Variants in MECOM observed in about 807,000 individuals in gnomAD.
MECOM encodes the protein histone-lysine N-methyltransferase MECOM.
MECOM carries 13 observed loss-of-function variants against 116.3 expected under a neutral mutation model. The ratio of observed to expected loss-of-function variants is 0.11; its 90% CI spans 0.07 to 0.18. The LOEUF (loss-of-function observed/expected upper bound fraction) is 0.18, where lower values mean the gene tolerates loss of function less well. Among genes scored for constraint, MECOM ranks in the 10% least tolerant of loss-of-function variants. MECOM has a pLI of 1.00. For synonymous variants in MECOM, 528 were observed against 535.2 expected, an observed-to-expected ratio of 0.99 and a Z score of 0.19; for missense variants, 1,299 against 1,509.0, an observed-to-expected ratio of 0.86 and a Z score of 2.31.
At chr3:169,087,744 A>G (rs902798505) in intron 16 of MECOM, among the ~76,000 whole-genome samples, 1 of 152,062 alleles carries the variant, frequency 6.6e-6, no homozygotes, top group South Asian at 2.1e-4. Context: ...TGAAATGTCT[A>G]CTCTAGCTAG....
At chr3:169,363,736 A>C (rs1368912032) in intron 2 of MECOM, among the ~76,000 whole-genome samples, 1 of 151,952 alleles carries the variant, frequency 6.6e-6, no homozygotes, top group Non-Finnish European at 1.5e-5. Flanking sequence ...ATGAAAGAGG[A>C]AGTTTTCCAT....
At position 169,571,996 on chromosome 3, in the gene MECOM, TA is replaced by T. The variant is rs570008708; in HGVS notation, c.37+91339del. 1.9e-3 allele frequency among the ~76,000 whole-genome samples: 285 copies of T among 152,250 alleles called. 3 individuals are homozygous for T. The highest frequency in any genetic ancestry group is 6.6e-3 in the African/African-American group (275 of 41,574). ...AAAGCCAAAATTGATAAATAGGATC[TA>T]ATTAAACTAAAGAGTTTCTGCACAG... is the stretch of plus-strand genomic sequence containing the variant. On this transcript the variant is annotated intron_variant, in intron 1 of 16. Transcript: ENST00000651503.
At chr3:169,569,213 A>T (rs1207776479) in intron 1 of MECOM, among the ~76,000 whole-genome samples, 1 of 152,192 alleles carries the variant, frequency 6.6e-6, no homozygotes, top group East Asian at 1.9e-4. Context: ...GATGAAACAG[A>T]CTTTAAACCA....
At chr3:169,499,320 T>C (rs1046722593) in intron 1 of MECOM, among the ~76,000 whole-genome samples, 1 of 110,234 alleles carries the variant, frequency 9.1e-6, no homozygotes, top group African/African-American at 3.6e-5. Flanking sequence ...ATCTTAAGCT[T>C]GCAGAGAGAA....
intron 2 of MECOM, among the ~76,000 whole-genome samples, chr3:169,283,536 A>G (rs760486340): frequency 6.6e-6 from 1 of 152,190 alleles, no homozygotes; most frequent in Non-Finnish European, 1.5e-5. Context: ...TATGATAAAG[A>G]ATGTACCTCC....
chr3:169,612,109 C>A (rs1485937024), intron 1 of MECOM, among the ~76,000 whole-genome samples: 1 of 152,120 alleles, frequency 6.6e-6, no homozygotes, highest in Non-Finnish European at 1.5e-5. Flanking sequence ...CCCTGGGAAT[C>A]AAAATAACTC....
rs142949629 is a variant in MECOM at position 169,244,678 on chromosome 3, C to T, written c.376-100846G>A. ...CGCATAAATTGTGCCATTTGCAGAACCTACCAGAGTCTGTGACTAAACCCA... is the reference window on the plus strand; with the variant it reads ...CGCATAAATTGTGCCATTTGCAGAATCTACCAGAGTCTGTGACTAAACCCA... On this transcript the variant is annotated intron_variant, in intron 2 of 16. Coordinates refer to ENST00000651503, the MANE Select transcript of MECOM (RefSeq NM_004991.4). 1.1e-3 allele frequency among the ~76,000 whole-genome samples: 169 copies of T among 152,276 alleles called. 1 individual carries two copies. The highest frequency in any genetic ancestry group is 2.6e-3 in the African/African-American group (108 of 41,568).
intron 2 of MECOM, among the ~76,000 whole-genome samples, chr3:169,243,687 A>G (rs944047466): frequency 6.6e-6 from 1 of 152,312 alleles, no homozygotes; most frequent in South Asian, 2.1e-4. Context: ...AGTCCCAGAC[A>G]GGTTTGTGAA....
At chr3:169,505,800 A>G (rs956075673) in intron 1 of MECOM, among the ~76,000 whole-genome samples, 15 of 152,210 alleles carry the variant, frequency 9.9e-5, no homozygotes, top group African/African-American at 3.4e-4. Context: ...ATGTAAGCCT[A>G]TCTTTCCTCC....
intron 2 of MECOM, among the ~76,000 whole-genome samples, chr3:169,222,282 T>C (rs982939801): frequency 2.0e-5 from 3 of 152,222 alleles, no homozygotes; most frequent in Non-Finnish European, 4.4e-5. Flanking sequence ...ACAATAATCA[T>C]TAGCAGAGAT....
At chr3:169,535,957 A>G (rs1251794999) in intron 1 of MECOM, among the ~76,000 whole-genome samples, 1 of 152,234 alleles carries the variant, frequency 6.6e-6, no homozygotes, top group Non-Finnish European at 1.5e-5. Flanking sequence ...CAGTACATGG[A>G]AGGCCCAATA....
At chr3:169,571,796 A>G (rs1176565612) in intron 1 of MECOM, among the ~76,000 whole-genome samples, 1 of 152,146 alleles carries the variant, frequency 6.6e-6, no homozygotes, top group Non-Finnish European at 1.5e-5. Context: ...CGTGCAGAAA[A>G]CTGAAACTGG....
chr3:169,618,795 C>T (rs1319385935), intron 1 of MECOM, among the ~76,000 whole-genome samples: 4 of 152,068 alleles, frequency 2.6e-5, no homozygotes, highest in African/African-American at 7.2e-5. Flanking sequence ...CTTTTGCTTC[C>T]CCACTGTATG....
intron 1 of MECOM, among the ~76,000 whole-genome samples, chr3:169,424,185 G>A (rs1740251435): frequency 6.6e-6 from 1 of 152,064 alleles, no homozygotes; most frequent in Non-Finnish European, 1.5e-5. Context: ...CTGTAGGCCT[G>A]GCTCAAGAGC....
intron 2 of MECOM, among the ~76,000 whole-genome samples, chr3:169,185,655 C>G (rs990551614): frequency 6.6e-6 from 1 of 152,142 alleles, no homozygotes; most frequent in Admixed American, 6.5e-5. Flanking sequence ...CCTCTTTCGC[C>G]TCTAAACTCC....
At chr3:169,208,765 C>A (rs887608292) in intron 2 of MECOM, among the ~76,000 whole-genome samples, 37 of 151,964 alleles carry the variant, frequency 2.4e-4, no homozygotes, top group Non-Finnish European at 4.4e-5. Context: ...GGCCATACTG[C>A]CCAAAGTAAT....
At chr3:169,626,331 A>G (rs1771368396) in intron 1 of MECOM, among the ~76,000 whole-genome samples, 1 of 152,254 alleles carries the variant, frequency 6.6e-6, no homozygotes, top group Admixed American at 6.5e-5. Context: ...TGACTGGCAT[A>G]AACAGACTTT....
At chr3:169,392,738 G>A (rs1268429127) in intron 1 of MECOM, among the ~76,000 whole-genome samples, 1 of 152,264 alleles carries the variant, frequency 6.6e-6, no homozygotes, top group African/African-American at 2.4e-5. Flanking sequence ...TGCCAGTCTC[G>A]TAGAACCTCT....
chr3:169,341,918 A>G (rs1218588905), intron 2 of MECOM, among the ~76,000 whole-genome samples: 1 of 152,144 alleles, frequency 6.6e-6, no homozygotes, highest in Non-Finnish European at 1.5e-5. Flanking sequence ...TGCTTATTTC[A>G]CATTGTATGA....
Sources: gnomAD v4.1 joint callset for allele counts (sites outside exome capture counted in the v4.1 genomes callset) on GRCh38, gnomAD v4.1.1 for gene constraint, MANE v1.5 for transcripts, NCBI Gene and HGNC (gene_info 2026-07-23, HGNC 2026-07-21) for gene names.